PRRC2A: variants seen among roughly 807,000 people sequenced by gnomAD.
The protein encoded by PRRC2A is proline rich coiled-coil 2A, also known as protein PRRC2A.
Under a neutral mutation model 224.6 loss-of-function variants are expected in PRRC2A, and 59 were observed. The ratio of observed to expected loss-of-function variants is 0.26; its 90% CI spans 0.21 to 0.33. The LOEUF is 0.33. Among genes scored for constraint, PRRC2A ranks in the 10% least tolerant of loss-of-function variants. The probability of loss-of-function intolerance (pLI) is 1.00; values close to 1 mark genes in which losing one functional copy is unlikely to be tolerated. For missense variants in PRRC2A, 3,095 were observed against 2,880.7 expected (o/e 1.07, Z -1.70); for synonymous variants, 1,194 against 1,109.5 (o/e 1.08, Z -1.51).
Position 31,636,358 on chromosome 6 carries a change from C to G in PRRC2A, c.5774C>G (p.Pro1925Arg). The G allele has an allele frequency of 6.2e-7, 1 of 1,613,038 alleles. No homozygotes were observed. The highest frequency in any genetic ancestry group is 8.5e-7 in the Non-Finnish European group (1 of 1,180,018). The part of the protein sequence containing the change: ...LPAGGVLYPP[P>R]SFLYSPAFCP... The stretch of plus-strand genomic sequence containing the variant: ...GCTGGAGGAGTTCTCTACCCTCCAC[C>G]TTCCTTCCTCTACTCTCCGGCTTTC... The change falls in exon 26 of 31, where the codon CCT (proline) becomes CGT (arginine). Residue 1925 changes from proline (P) to arginine (R), a missense_variant. Pro to Arg is a moderately radical substitution (Grantham distance 103). This residue lies in a region of PRRC2A where 662 missense variants were observed against 609.5 expected (regional missense o/e 1.09). Coordinates refer to ENST00000376033, the MANE Select transcript of PRRC2A (RefSeq NM_004638.4). This position sits in a 1 kb window ranked among gnomAD's most constrained non-coding sequence, Gnocchi z 4.3.
chr6:31,635,818 A>G (rs942749585), intron 24 of PRRC2A, 69 bp downstream of exon 24: 14 of 1,501,394 alleles, frequency 9.3e-6, no homozygotes, highest in African/African-American at 7.0e-5. Context: ...GTATGTATTT[A>G]TAATCAAGCC....
intron 12 of PRRC2A, 94 bp from the exon 13 acceptor site, chr6:31,629,050 T>A (rs543774153): frequency 7.8e-7 from 1 of 1,288,604 alleles, no homozygotes; most frequent in African/African-American, 1.5e-5. Flanking sequence ...ATTTTAGTCT[T>A]AAGGGAGCTA....
In PRRC2A at chr6:31,632,474, C is replaced by T. The variant is rs767032666; in HGVS notation, c.3801C>T (p.Ala1267=). 31 of 1,606,904 alleles carry T rather than the reference C, an allele frequency of 1.9e-5. No individual in the cohort carries two copies. Among genetic ancestry groups the T allele is most frequent in the Admixed American group, 5.0e-5 (3 of 59,698 alleles). The stretch of plus-strand genomic sequence containing the variant: ...GGCTGAAGCAGGAACGGGAGAATGC[C>T]GCAAGGGGGTCTGAGGGCAAGCCCT... ...FRRLKQEREN[A]ARGSEGKPSL... The change falls in exon 16 of 31, where the codon GCC becomes GCT. Residue 1267 remains alanine (A), a synonymous_variant. Transcript: ENST00000376033.
Position 31,629,825 on chromosome 6 carries a change from C to A in PRRC2A, c.2234C>A (p.Pro745His), listed in dbSNP as rs1776336408. The change falls in exon 14 of 31, where the codon CCT becomes CAT. Residue 745 changes from proline (P) to histidine (H), a missense_variant. Around this residue, in one of 8 missense-constraint regions of PRRC2A, gnomAD observed 2,001 missense variants for 1,764.9 expected, o/e 1.13. Coordinates refer to ENST00000376033, the MANE Select transcript of PRRC2A (RefSeq NM_004638.4). ...LQGRPPLDFY[P>H]PGVHPSGLVP... is the part of the protein sequence containing the mutation. ...GGTCGTCCCCCTCTAGACTTCTACC[C>A]TCCTGGTGTGCATCCCTCTGGTAAG... The A allele has an allele frequency of 1.9e-6, 3 of 1,613,898 alleles. No homozygotes were observed. The highest frequency in any genetic ancestry group is 2.5e-6 in the Non-Finnish European group (3 of 1,179,918).
At position 31,632,404 on chromosome 6, in the gene PRRC2A, G is replaced by A. The variant is rs1410049791; in HGVS notation, c.3731G>A (p.Arg1244Gln). The A allele has an allele frequency of 3.1e-6, 5 of 1,609,120 alleles. No individual in the cohort carries two copies. In the Admixed American group the frequency reaches 6.7e-5, roughly 22 times the overall value. ...MEDGERPRRR[R>Q]HGRAQQQDKP... ...GATGGGGAGCGACCCCGAAGGAGGC[G>A]ACATGGGAGGGCTCAGCAGCAGGAT... The change falls in exon 16 of 31, where the codon CGA becomes CAA. Residue 1244 changes from arginine to glutamine, a missense_variant. Physicochemically the swap from Arg to Gln is conservative, Grantham distance 43. Transcript: ENST00000376033.
At position 31,632,030 on chromosome 6, in the gene PRRC2A, T is replaced by A; in HGVS notation, c.3357T>A (p.Pro1119=). ...GSETHESDLA[P]SDKEAPTPKE... is the part of the protein sequence containing the mutation. ...AGACCCATGAGAGTGATCTGGCTCC[T>A]TCAGACAAGGAGGCTCCCACACCCA... Residue 1119 remains proline (P), a synonymous_variant, in exon 16 of 31, where the codon CCT becomes CCA. Coordinates refer to ENST00000376033, the MANE Select transcript of PRRC2A (RefSeq NM_004638.4). 6.3e-7 allele frequency: 1 copy of A among 1,598,284 alleles called. No homozygotes were observed. Among genetic ancestry groups the A allele is most frequent in the Non-Finnish European group, 8.5e-7 (1 of 1,170,588 alleles).
At chr6:31,629,884 C>T in intron 14 of PRRC2A, 39 bp downstream of exon 14, 1 of 1,608,602 alleles carries the variant, frequency 6.2e-7, no homozygotes, top group Non-Finnish European at 8.5e-7. Context: ...AGGAAAGTCC[C>T]CTCAGTCTTA....
Position 31,632,960 on chromosome 6 carries a change from CAAG to C in PRRC2A, c.4289_4291del (p.Lys1430del), listed in dbSNP as rs1313918550. The stretch of plus-strand genomic sequence containing the variant: ...GAAGGACCGGGCCAGGACGAGGCGA[CAAG>C]AGGAGCTGGCCCTCTCCCAAGAACC... On this transcript the variant is annotated inframe_deletion, in exon 16 of 31. Coordinates refer to ENST00000376033, the MANE Select transcript of PRRC2A (RefSeq NM_004638.4). 1 of 1,600,840 alleles carries C rather than the reference CAAG, an allele frequency of 6.2e-7. No individual in the cohort carries two copies. The highest frequency in any genetic ancestry group is 8.5e-7 in the Non-Finnish European group (1 of 1,172,450).
chr6:31,635,243 C>G lies in PRRC2A; in HGVS notation c.5272C>G (p.Pro1758Ala), dbSNP rs760674353. ...CATTCGGCCATCCCATCGACCTGGT[C>G]CCCCAGTCCAGTTTGGCACTAGTGA... Reference protein sequence around the residue: ...GPIRPSHRPGPPVQFGTSDKD... With the variant: ...GPIRPSHRPGAPVQFGTSDKD... Residue 1758 changes from proline (P) to alanine (A), a missense_variant, in exon 22 of 31, where the codon CCC becomes GCC. Pro to Ala is a conservative substitution (Grantham distance 27). Coordinates refer to ENST00000376033, the MANE Select transcript of PRRC2A (RefSeq NM_004638.4). 1 of 1,614,186 alleles carries G rather than the reference C, an allele frequency of 6.2e-7. No individual in the cohort carries two copies. The highest frequency in any genetic ancestry group is 1.7e-5 in the Admixed American group (1 of 60,026).
At chr6:31,629,073 G>C in intron 12 of PRRC2A, 71 bp from the exon 13 acceptor site, 1 of 1,473,620 alleles carries the variant, frequency 6.8e-7, no homozygotes, top group Non-Finnish European at 9.4e-7. Flanking sequence ...GATGAGACGT[G>C]AGATTCCTGG....
intron 18 of PRRC2A, 38 bp downstream of exon 18, chr6:31,634,027 T>G (rs1472551287): frequency 3.8e-6 from 6 of 1,590,238 alleles, no homozygotes; most frequent in Non-Finnish European, 4.3e-6. Context: ...CACTGCACTC[T>G]TACTCGTGAA....
At position 31,637,502 on chromosome 6, in the gene PRRC2A, G is replaced by A. The variant is rs150004467; in HGVS notation, c.6390G>A (p.Pro2130=). The A allele has an allele frequency of 3.8e-5, 60 of 1,574,946 alleles. 1 individual carries two copies. The African/African-American group carries it at 4.2e-4, about 11-fold the overall frequency. Residue 2130 remains proline (P), a synonymous_variant, in exon 31 of 31, where the codon CCG becomes CCA. Coordinates refer to ENST00000376033, the MANE Select transcript of PRRC2A (RefSeq NM_004638.4). The part of the protein sequence containing the change: ...WIPKPWERTG[P]PPREGPSRRA... ...CTAAGCCTTGGGAGCGGACAGGGCC[G>A]CCACCTCGAGAAGGGCCCTCCCGAC... is the stretch of plus-strand genomic sequence containing the variant.
At chr6:31,630,189 C>T (rs745492358) in intron 14 of PRRC2A, among the ~76,000 whole-genome samples, 1 of 152,110 alleles carries the variant, frequency 6.6e-6, no homozygotes, top group East Asian at 1.9e-4. Flanking sequence ...TGGTGGCGCT[C>T]GCCTGTAGTC....
intron 5 of PRRC2A, 49 bp downstream of exon 5, chr6:31,624,571 C>T: frequency 2.6e-6 from 4 of 1,548,250 alleles, no homozygotes; most frequent in Non-Finnish European, 2.7e-6. Context: ...CCATGGGATG[C>T]ATGAACCCTG....
Position 31,625,332 on chromosome 6 carries a change from G to C in PRRC2A, c.607+18G>C. On this transcript the variant is annotated intron_variant, in intron 6 of 30. Transcript: ENST00000376033. This position sits in a 1 kb window ranked among gnomAD's most constrained non-coding sequence, Gnocchi z 4.1. ...CCCCCAAAGTGAGTGGCTGCCTTTT[G>C]GCCAAGACATTACCTATTGCATCTC... 1 of 1,614,030 alleles carries C rather than the reference G, an allele frequency of 6.2e-7. No individual in the cohort carries two copies.
chr6:31,633,968 A>G lies in PRRC2A; in HGVS notation c.4698A>G (p.Arg1566=). ...FPPKRRERPP[R]KPELLQEESL... is the part of the protein sequence containing the mutation. ...CTAAACGTCGGGAGCGGCCTCCCAG[A>G]AAACCAGAGCTGCTACAGGAGGTAA... Residue 1566 remains arginine (R), a synonymous_variant, in exon 18 of 31, where the codon AGA becomes AGG. Transcript: ENST00000376033. 6.2e-7 allele frequency: 1 copy of G among 1,604,172 alleles called. No individual in the cohort carries two copies. Among genetic ancestry groups the G allele is most frequent in the East Asian group, 2.2e-5 (1 of 44,818 alleles).
intron 14 of PRRC2A, 47 bp from the exon 15 acceptor site, chr6:31,630,544 C>G (rs765331493): frequency 1.2e-6 from 2 of 1,601,018 alleles, no homozygotes; most frequent in South Asian, 1.1e-5. Flanking sequence ...GGCTGGAGGG[C>G]TTGTGACATG....
rs1397465888 is a variant in PRRC2A at position 31,631,221 on chromosome 6, C to T, written c.2548C>T (p.Pro850Ser). ...GFPENGAPGP[P>S]ISRFPLEEPG... ...TCCTGAGAATGGAGCCCCTGGGCCC[C>T]CAATCTCTCGCTTTCCTCTGGAGGA... Residue 850 changes from proline (P) to serine (S), a missense_variant, in exon 16 of 31, where the codon CCA becomes TCA. By Grantham distance (74) the Pro-to-Ser change is moderately conservative. This residue lies in a region of PRRC2A where 2,001 missense variants were observed against 1,764.9 expected (regional missense o/e 1.13). Coordinates refer to ENST00000376033, the MANE Select transcript of PRRC2A (RefSeq NM_004638.4). The surrounding 1 kb of genome is among the most constrained non-coding windows in gnomAD (Gnocchi z 4.5). The T allele has an allele frequency of 6.2e-7, 1 of 1,608,558 alleles. No individual in the cohort carries two copies. The highest frequency in any genetic ancestry group is 1.1e-5 in the South Asian group (1 of 90,548).
Position 31,635,580 on chromosome 6 carries a change from A to C in PRRC2A, c.5374-2A>C. 1.2e-6 allele frequency: 2 copies of C among 1,610,640 alleles called. No homozygotes were observed. The highest frequency in any genetic ancestry group is 1.7e-6 in the Non-Finnish European group (2 of 1,178,394). ...CCTCTCCACGAGGCCTCTCCTTCCC[A>C]GGCCATTCCTGTATCACGAGACTGG... On this transcript the variant is annotated splice_acceptor_variant, in intron 23 of 30. Transcript: ENST00000376033. LOFTEE classifies it high-confidence loss of function.
Sources: allele counts gnomAD v4.1 joint callset (sites outside exome capture counted in the v4.1 genomes callset), GRCh38; gene constraint gnomAD v4.1.1; regional missense constraint gnomAD v4.1.1; non-coding constraint Gnocchi (gnomAD v3.1); transcripts MANE v1.5; gene names NCBI Gene and HGNC (gene_info 2026-07-23, HGNC 2026-07-21).